The following RNF213 variants were observed in gnomAD, a reference collection of about 807,000 sequenced individuals.
RNF213 encodes E3 ubiquitin-protein ligase RNF213.
A neutral mutation model predicts 514.4 loss-of-function variants in RNF213; 341 were observed. That is an observed-to-expected ratio of 0.66 (90% confidence interval 0.61 to 0.73). RNF213 has a LOEUF of 0.73. Ranked by LOEUF, RNF213 falls within the 30% of genes least tolerant of loss-of-function variation. The probability of loss-of-function intolerance (pLI) is 0.00; values close to 1 mark genes in which losing one functional copy is unlikely to be tolerated. For synonymous variants in RNF213, 2,655 were observed against 2,658.2 expected (o/e 1.00, Z 0.04); for missense variants, 5,767 against 6,615.6 (o/e 0.87, Z 4.45).
intron 11 of RNF213, chr17:80,298,725 G>T (rs1046035406): frequency 3.4e-6 from 2 of 579,796 alleles, no homozygotes; most frequent in Non-Finnish European, 6.2e-6. Flanking sequence ...AGCACTTTGG[G>T]AGGCTGAGAC....
chr17:80,355,486 A>G lies in RNF213; in HGVS notation c.10862+910A>G, dbSNP rs117760765. On this transcript the variant is annotated intron_variant, in intron 36 of 67. Coordinates refer to ENST00000582970, the MANE Select transcript of RNF213 (RefSeq NM_001256071.3). The stretch of plus-strand genomic sequence containing the variant: ...GGGGTGACCGGGAATGGGGGCTCAC[A>G]GAGGAAGAAGCGGGGTGACCGGGAA... Among the ~76,000 whole-genome samples, 75 of 25,718 alleles carry G rather than the reference A, an allele frequency of 2.9e-3. 1 individual carries two copies. Among genetic ancestry groups the G allele is most frequent in the African/African-American group, 6.9e-3 (57 of 8,258 alleles). The allele number at this position is 25,718 out of a possible 152,430, so 16.9% of individuals were successfully genotyped here.
Position 80,377,509 on chromosome 17 carries a change from T to C in RNF213, c.13511-253T>C, listed in dbSNP as rs997323096. Reference sequence around the variant, plus strand: ...ACCTTGCCTCCAAAAGTACCCCTGGTATGGGCCTATATTCTAATTGCTCTT... The same window carrying C: ...ACCTTGCCTCCAAAAGTACCCCTGGCATGGGCCTATATTCTAATTGCTCTT... On this transcript the variant is annotated intron_variant, in intron 53 of 67. Coordinates refer to ENST00000582970, the MANE Select transcript of RNF213 (RefSeq NM_001256071.3). This position sits in a 1 kb window ranked among gnomAD's most constrained non-coding sequence, Gnocchi z 4.1. Among the ~76,000 whole-genome samples, 213 of 151,964 alleles carry C rather than the reference T, an allele frequency of 1.4e-3. No homozygotes were observed. The highest frequency in any genetic ancestry group is 4.2e-3 in the African/African-American group (174 of 41,380).
intron 5 of RNF213, among the ~76,000 whole-genome samples, chr17:80,289,418 C>A (rs2044600614): frequency 1.3e-5 from 2 of 151,942 alleles, no homozygotes; most frequent in South Asian, 4.1e-4. Context: ...GGTGAAACCC[C>A]GTCTCTACTA....
intron 3 of RNF213, among the ~76,000 whole-genome samples, chr17:80,281,806 C>T (rs751024666): frequency 4.6e-5 from 7 of 152,170 alleles, no homozygotes; most frequent in South Asian, 2.1e-4. Context: ...AGATATGAAA[C>T]GGCGTGGCAT....
chr17:80,295,844 A>G, intron 10 of RNF213, 31 bp downstream of exon 10: 1 of 1,611,366 alleles, frequency 6.2e-7, no homozygotes, highest in African/African-American at 1.3e-5. Context: ...AATGTTTTTT[A>G]TAGCTATTAT....
chr17:80,386,030 T>C (rs2080221970), intron 61 of RNF213, among the ~76,000 whole-genome samples: 2 of 152,104 alleles, frequency 1.3e-5, no homozygotes, highest in Admixed American at 1.3e-4. Flanking sequence ...AAATAATGTG[T>C]CAGGAAAATA....
chr17:80,352,022 T>C (rs2078540042), intron 32 of RNF213: 1 of 407,400 alleles, frequency 2.5e-6, no homozygotes. Flanking sequence ...GCCCAGCTAA[T>C]TTTTGTATGT....
At chr17:80,303,634 G>T (rs2143531301) in intron 11 of RNF213, among the ~76,000 whole-genome samples, 1 of 147,768 alleles carries the variant, frequency 6.8e-6, no homozygotes, top group South Asian at 2.2e-4. Context: ...CGCGATCTCT[G>T]GTCACTGCAA....
At chr17:80,332,926 A>G (rs1296707483) in intron 21 of RNF213, among the ~76,000 whole-genome samples, 1 of 152,154 alleles carries the variant, frequency 6.6e-6, no homozygotes, top group Non-Finnish European at 1.5e-5. Context: ...GTAAAGGGTC[A>G]TAGGCTCTCT....
intron 17 of RNF213, among the ~76,000 whole-genome samples, chr17:80,323,139 G>T (rs1424886265): frequency 6.6e-6 from 1 of 152,152 alleles, no homozygotes; most frequent in Non-Finnish European, 1.5e-5. Context: ...TTTGTTGAAA[G>T]GACTCTACAT....
At chr17:80,328,215 C>A in intron 19 of RNF213, 113 bp from the exon 20 acceptor site, 2 of 1,307,696 alleles carry the variant, frequency 1.5e-6, no homozygotes, top group South Asian at 3.1e-5. Context: ...TGCGCAAAAC[C>A]ATCCTAGTCC....
At chr17:80,373,846 A>G (rs1354174970) in intron 49 of RNF213, among the ~76,000 whole-genome samples, 2 of 152,060 alleles carry the variant, frequency 1.3e-5, no homozygotes, top group Non-Finnish European at 2.9e-5. Flanking sequence ...CTTCAAAGAA[A>G]AAAAAAATTA....
chr17:80,375,764 GC>G lies in RNF213; in HGVS notation c.13080del (p.Cys4360Ter). ...PLGIKTALKA[C>X]KTPQSQQSAY... ...TTGATACCCTTGATTTTGCAGGCCT[GC>G]AAGACCCCCCAAAGCCAGCAGTCAG... On this transcript the variant is annotated frameshift_variant, in exon 51 of 68. Transcript: ENST00000582970. LOFTEE classifies it high-confidence loss of function. 14 of 1,612,792 alleles carry G rather than the reference GC, an allele frequency of 8.7e-6. No homozygotes were observed. Among genetic ancestry groups the G allele is most frequent in the Non-Finnish European group, 1.2e-5 (14 of 1,178,846 alleles).
At chr17:80,282,550 C>T (rs941737532) in intron 3 of RNF213, among the ~76,000 whole-genome samples, 2 of 152,038 alleles carry the variant, frequency 1.3e-5, no homozygotes, top group African/African-American at 4.8e-5. Context: ...AGGCGCCCAC[C>T]ACCACGCCCA....
intron 55 of RNF213, 126 bp downstream of exon 55, chr17:80,379,840 T>C (rs2079914899): frequency 3.8e-6 from 3 of 799,502 alleles, no homozygotes; most frequent in East Asian, 5.4e-5. Flanking sequence ...GCCTGTGTCA[T>C]ATTGAATAGC....
chr17:80,294,382 G>C (rs2143377307), intron 8 of RNF213, among the ~76,000 whole-genome samples: 1 of 152,298 alleles, frequency 6.6e-6, no homozygotes, highest in East Asian at 1.9e-4. Context: ...ACCTCCTTGT[G>C]ATGATGTTTA....
chr17:80,349,408 G>C (rs1047451219), intron 29 of RNF213, among the ~76,000 whole-genome samples: 2 of 152,176 alleles, frequency 1.3e-5, no homozygotes, highest in African/African-American at 4.8e-5. Context: ...CACCAACCAC[G>C]AACTCCATCT....
intron 11 of RNF213, among the ~76,000 whole-genome samples, chr17:80,303,497 G>A (rs985238988): frequency 3.3e-5 from 5 of 152,184 alleles, no homozygotes; most frequent in South Asian, 2.1e-4. Flanking sequence ...GCAGTGTTAC[G>A]GTCTTGCCTT....
At chr17:80,392,996 T>A (rs2080543244) in intron 67 of RNF213, among the ~76,000 whole-genome samples, 1 of 151,698 alleles carries the variant, frequency 6.6e-6, no homozygotes, top group African/African-American at 2.4e-5. Flanking sequence ...GCCTTTTTTT[T>A]TGAGACAGGA....
Sources: allele counts gnomAD v4.1 joint callset (sites outside exome capture counted in the v4.1 genomes callset), GRCh38; gene constraint gnomAD v4.1.1; non-coding constraint Gnocchi (gnomAD v3.1); transcripts MANE v1.5; gene names NCBI Gene and HGNC (gene_info 2026-07-23, HGNC 2026-07-21).